TCF21: variants seen among roughly 807,000 people sequenced by gnomAD.
TCF21 encodes transcription factor 21, also known as capsulin.
TCF21 carries 3 observed loss-of-function variants against 13.5 expected under a neutral mutation model. The ratio of observed to expected loss-of-function variants is 0.22; its 90% CI spans 0.10 to 0.57. The LOEUF (loss-of-function observed/expected upper bound fraction) is 0.57, where lower values mean the gene tolerates loss of function less well. Among genes scored for constraint, TCF21 ranks in the 20% least tolerant of loss-of-function variants. TCF21 has a pLI of 0.92. For synonymous variants in TCF21, 92 were observed against 101.7 expected (o/e 0.90, Z 0.57); for missense variants, 181 against 238.4 (o/e 0.76, Z 1.59).
downstream of TCF21, chr6:133,895,319 A>G (rs144220064): frequency 5.0e-4 from 76 of 152,258 alleles, no homozygotes; most frequent in African/African-American, 1.8e-3. Context: ...ACCACATTTT[A>G]ACAATCAATG....
At position 133,889,174 on chromosome 6, in the gene TCF21, C is replaced by G; in HGVS notation, c.-224C>G. ...GGAGTGGGGAAACAGAGAGCCGGTTCCTCTGCTGCAGAAGTCCTCGGGGTT... is the reference window on the plus strand; with the variant it reads ...GGAGTGGGGAAACAGAGAGCCGGTTGCTCTGCTGCAGAAGTCCTCGGGGTT... On this transcript the variant is annotated 5_prime_UTR_variant, in exon 1 of 2. Coordinates refer to ENST00000367882, the MANE Select transcript of TCF21 (RefSeq NM_003206.4). This position sits in a 1 kb window ranked among gnomAD's most constrained non-coding sequence, Gnocchi z 5.1. 1 of 594,056 alleles carries G rather than the reference C, an allele frequency of 1.7e-6. No homozygotes were observed. The highest frequency in any genetic ancestry group is 3.0e-6 in the Non-Finnish European group (1 of 334,740). The allele number at this position is 594,056 out of a possible 1,614,324, so 36.8% of individuals were successfully genotyped here. A position where few individuals can be genotyped will look rare whatever the true frequency, so the allele number is the denominator to read the frequency against.
intron 1 of TCF21, among the ~76,000 whole-genome samples, chr6:133,890,370 C>T (rs1775191458): frequency 6.6e-6 from 1 of 152,154 alleles, no homozygotes; most frequent in Admixed American, 6.5e-5. Context: ...AAATTGTCCA[C>T]GTAAGCCCTT....
chr6:133,889,377 C>T lies in TCF21; in HGVS notation c.-21C>T. 6.2e-7 allele frequency: 1 copy of T among 1,612,452 alleles called. No homozygotes were observed. The highest frequency in any genetic ancestry group is 8.5e-7 in the Non-Finnish European group (1 of 1,179,542). On this transcript the variant is annotated 5_prime_UTR_variant, in exon 1 of 2. Transcript: ENST00000367882. This position sits in a 1 kb window ranked among gnomAD's most constrained non-coding sequence, Gnocchi z 5.1. The stretch of plus-strand genomic sequence containing the variant: ...TCTCTCTGTCTCTCTCTCTCTCTCT[C>T]CCTCGTCCACTCCCCCAAACATGTC...
At chr6:133,891,546 A>T in intron 1 of TCF21, 167 bp from the exon 2 acceptor site, 1 of 743,306 alleles carries the variant, frequency 1.3e-6, no homozygotes, top group Non-Finnish European at 2.3e-6. Context: ...TATTTGCTTT[A>T]TGCAGCCGCA....
chr6:133,889,423 TGGA>T lies in TCF21; in HGVS notation c.30_32del (p.Glu10del). 1 of 1,613,994 alleles carries T rather than the reference TGGA, an allele frequency of 6.2e-7. No homozygotes were observed. The highest frequency in any genetic ancestry group is 8.5e-7 in the Non-Finnish European group (1 of 1,179,980). ...ATGTCCACCGGCTCCCTCAGCGATG[TGGA>T]GGACCTTCAAGAGGTGGAGATGTTG... On this transcript the variant is annotated inframe_deletion, in exon 1 of 2. Coordinates refer to ENST00000367882, the MANE Select transcript of TCF21 (RefSeq NM_003206.4). The surrounding 1 kb of genome is among the most constrained non-coding windows in gnomAD (Gnocchi z 5.1).
In TCF21 at chr6:133,889,602, C is replaced by A. The variant is rs1309849281; in HGVS notation, c.205C>A (p.Leu69Met). ...GAAGGCGCCCACCAAGAAGAGCCCCCTGAGCGGGGTCAGCCAGGAGGGGAA... is the reference window on the plus strand; with the variant it reads ...GAAGGCGCCCACCAAGAAGAGCCCCATGAGCGGGGTCAGCCAGGAGGGGAA... ...RRKAPTKKSP[L>M]SGVSQEGKQV... Residue 69 changes from leucine to methionine, a missense_variant, in exon 1 of 2, where the codon CTG becomes ATG. Transcript: ENST00000367882. The surrounding 1 kb of genome is among the most constrained non-coding windows in gnomAD (Gnocchi z 5.1). 6.2e-7 allele frequency: 1 copy of A among 1,613,900 alleles called. No homozygotes were observed. Among genetic ancestry groups the A allele is most frequent in the Non-Finnish European group, 8.5e-7 (1 of 1,179,970 alleles).
rs747635866 is a variant in TCF21, at chr6:133,889,677, G to A, written c.280G>A (p.Val94Met). The A allele has an allele frequency of 1.2e-6, 2 of 1,613,862 alleles. No homozygotes were observed. The highest frequency in any genetic ancestry group is 1.1e-5 in the South Asian group (1 of 91,086). The change falls in exon 1 of 2, where the codon GTG (valine) becomes ATG (methionine). Residue 94 changes from valine to methionine, a missense_variant. By Grantham distance (21) the Val-to-Met change is conservative. This residue lies in a region of TCF21 where 35 missense variants were observed against 80.4 expected (regional missense o/e 0.44). Coordinates refer to ENST00000367882, the MANE Select transcript of TCF21 (RefSeq NM_003206.4). The surrounding 1 kb of genome is among the most constrained non-coding windows in gnomAD (Gnocchi z 5.1). ...CGCGCGAGAGCGGGCCCGCATGCGA[G>A]TGCTGAGCAAGGCCTTCTCCAGACT... ...ANARERARMR[V>M]LSKAFSRLKT...
chr6:133,894,005 C>T (rs1038197687), downstream of TCF21: 1 of 152,106 alleles, frequency 6.6e-6, no homozygotes, highest in Non-Finnish European at 1.5e-5. Flanking sequence ...CTTACAGAGG[C>T]TTAGTGAGGC....
In TCF21 at chr6:133,891,900, T is replaced by G. The variant is rs1775225699; in HGVS notation, c.*98T>G. On this transcript the variant is annotated 3_prime_UTR_variant, in exon 2 of 2. Transcript: ENST00000367882. ...AGTGCTCTCTGTCTCTGCTTCCCCCTCGCAATGCTCCTCTCTCTGTCCCAC... is the reference window on the plus strand; with the variant it reads ...AGTGCTCTCTGTCTCTGCTTCCCCCGCGCAATGCTCCTCTCTCTGTCCCAC... 1.6e-6 allele frequency: 2 copies of G among 1,247,900 alleles called. No individual in the cohort carries two copies. Among genetic ancestry groups the G allele is most frequent in the Admixed American group, 4.0e-5 (2 of 49,698 alleles). The allele number at this position is 1,247,900 out of a possible 1,614,324, so 77.3% of individuals were successfully genotyped here.
chr6:133,891,554 G>A (rs1775217010), intron 1 of TCF21, 159 bp from the exon 2 acceptor site: 9 of 778,536 alleles, frequency 1.2e-5, no homozygotes, highest in Non-Finnish European at 1.7e-5. Context: ...TTATGCAGCC[G>A]CAGGGTGCGC....
rs776211853 is a variant in TCF21, at chr6:133,889,547, G to A, written c.150G>A (p.Gln50=). The A allele has an allele frequency of 5.0e-6, 8 of 1,613,926 alleles. No homozygotes were observed. The African/African-American group carries it at 5.3e-5, about 11-fold the overall frequency. The change falls in exon 1 of 2, where the codon CAG becomes CAA. Residue 50 remains glutamine (Q), a synonymous_variant. Transcript: ENST00000367882. This position sits in a 1 kb window ranked among gnomAD's most constrained non-coding sequence, Gnocchi z 5.1. ...CCAACTGCGAGAATGGGTCTCCCCA[G>A]AAGGGCCGCGGCGGCCTGGGCAAGA... ...ESSNCENGSP[Q]KGRGGLGKRR...
chr6:133,891,625 G>GC, intron 1 of TCF21, 88 bp from the exon 2 acceptor site: 50 of 399,572 alleles, frequency 1.3e-4, no homozygotes, highest in South Asian at 3.5e-4. Flanking sequence ...TGCCCCCACC[G>GC]CCCCCCTTCC....
chr6:133,895,096 TCAAA>T (rs1428006724), downstream of TCF21: 3 of 152,182 alleles, frequency 2.0e-5, no homozygotes, highest in East Asian at 1.9e-4. Context: ...TTTCCCACTG[TCAAA>T]CAGAGACTTC....
In TCF21 at chr6:133,889,808, C is replaced by T. The variant is rs755012233; in HGVS notation, c.411C>T (p.Asn137=). 2 of 1,613,044 alleles carry T rather than the reference C, an allele frequency of 1.2e-6. No individual in the cohort carries two copies. The highest frequency in any genetic ancestry group is 4.5e-5 in the East Asian group (2 of 44,864). The change falls in exon 1 of 2, where the codon AAC becomes AAT. Residue 137 remains asparagine, a synonymous_variant. Coordinates refer to ENST00000367882, the MANE Select transcript of TCF21 (RefSeq NM_003206.4). This position sits in a 1 kb window ranked among gnomAD's most constrained non-coding sequence, Gnocchi z 5.1. ...CCCACTTGAGGCAGATCCTGGCTAA[C>T]GACAAATACGAGAACGGGTACATTC... ...YIAHLRQILA[N]DKYENGYIHP...
chr6:133,893,387 C>T (rs12190287), downstream of TCF21: 325 of 152,234 alleles, frequency 2.1e-3, 3 homozygotes, highest in African/African-American at 7.5e-3. Context: ...ACTTCGGTGA[C>T]TTCATCCACC....
At chr6:133,895,002 C>CCTCTCTCTCGCTCTCTCTCTCT (rs1562637382), downstream of TCF21, 1 of 145,430 alleles carries the variant, frequency 6.9e-6, no homozygotes, top group African/African-American at 2.6e-5. Context: ...CCAGGGAAGT[C>CCTCTCTCTCGCTCTCTCTCTCT]CTCTCTCTCG....
downstream of TCF21, chr6:133,892,396 A>G (rs1001786698): frequency 1.3e-5 from 2 of 152,284 alleles, no homozygotes; most frequent in African/African-American, 4.8e-5. Context: ...TATGAGTTTC[A>G]TAATGAAGAT....
intron 1 of TCF21, among the ~76,000 whole-genome samples, chr6:133,890,342 G>A (rs1477415951): frequency 6.6e-6 from 1 of 152,122 alleles, no homozygotes; most frequent in Non-Finnish European, 1.5e-5. Flanking sequence ...ATTGGATAAG[G>A]ACACATCTAT....
chr6:133,895,389 G>C (rs1203213568), downstream of TCF21: 1 of 152,172 alleles, frequency 6.6e-6, no homozygotes, highest in Non-Finnish European at 1.5e-5. Flanking sequence ...TATTTCAGAG[G>C]AGAATTTTTT....
Sources: allele counts gnomAD v4.1 joint callset (sites outside exome capture counted in the v4.1 genomes callset), GRCh38; gene constraint gnomAD v4.1.1; regional missense constraint gnomAD v4.1.1; non-coding constraint Gnocchi (gnomAD v3.1); transcripts MANE v1.5; gene names NCBI Gene and HGNC (gene_info 2026-07-23, HGNC 2026-07-21).